ISCA1: variants seen among roughly 807,000 people sequenced by gnomAD.
ISCA1 encodes the protein iron-sulfur cluster assembly 1 homolog, mitochondrial.
In ISCA1, 9 loss-of-function variants were observed where a neutral mutation model predicts 14.7. The ratio of observed to expected loss-of-function variants is 0.61; its 90% CI spans 0.37 to 1.07. The LOEUF (loss-of-function observed/expected upper bound fraction) is 1.07, where lower values mean the gene tolerates loss of function less well. ISCA1 is among the 50% of genes least tolerant of loss of function. The pLI, the probability that ISCA1 is intolerant of heterozygous loss-of-function variation, is 0.01. For missense variants in ISCA1, 102 were observed against 150.1 expected (o/e 0.68, Z 1.67); for synonymous variants, 38 against 54.3 (o/e 0.70, Z 1.32).
chr9:86,267,397 T>C, intron 3 of ISCA1: 1 of 902,458 alleles, frequency 1.1e-6, no homozygotes, highest in Non-Finnish European at 1.3e-6. Flanking sequence ...AAGGTCTTTA[T>C]TGATAGTTAT....
At chr9:86,267,891 A>G (rs114094704) in intron 3 of ISCA1, 2,944 of 152,410 alleles carry the variant, frequency 0.019, 109 homozygotes, top group African/African-American at 0.067. Flanking sequence ...ATTGCCTAGC[A>G]ATGCTGTAGC....
intron 3 of ISCA1, chr9:86,267,598 TAATA>T (rs964408612): frequency 1.3e-5 from 11 of 865,336 alleles, no homozygotes; most frequent in South Asian, 5.3e-5. Flanking sequence ...AATTAAATTA[TAATA>T]AATAGCTTTG....
chr9:86,265,180 A>C lies in ISCA1; in HGVS notation c.*863T>G, dbSNP rs1218145353. The C allele has an allele frequency of 6.6e-6, 1 of 152,350 alleles. No homozygotes were observed. Among genetic ancestry groups the C allele is most frequent in the East Asian group, 1.9e-4 (1 of 5,188 alleles). The allele number at this position is 152,350 out of a possible 1,614,324, so 9.4% of individuals were successfully genotyped here. A position where few individuals can be genotyped will look rare whatever the true frequency, so the allele number is the denominator to read the frequency against. On this transcript the variant is annotated 3_prime_UTR_variant, in exon 4 of 4. Transcript: ENST00000375991. ...ATTCTATCAAAATGTTGACCACATAAAGAAGTCAGACCATTTGCCTTCGCT... is the reference window on the plus strand; with the variant it reads ...ATTCTATCAAAATGTTGACCACATACAGAAGTCAGACCATTTGCCTTCGCT...
chr9:86,272,021 T>A lies in ISCA1; in HGVS notation c.227A>T (p.Glu76Val), dbSNP rs767454483. Residue 76 changes from glutamate (E) to valine (V), a missense_variant, in exon 3 of 4, where the codon GAA (glutamate) becomes GTA (valine). By Grantham distance (121) the Glu-to-Val change is moderately radical (BLOSUM62 -2). Coordinates refer to ENST00000375991, the MANE Select transcript of ISCA1 (RefSeq NM_030940.4). ...YTKTKGDSDE[E>V]VIQDGVRVFI... ...TAAAAACTCACCATCTTGAATAACT[T>A]CTTCATCAGAATCTCCTTTTGTCTT... 3 of 1,591,352 alleles carry A rather than the reference T, an allele frequency of 1.9e-6. No individual in the cohort carries two copies. Among genetic ancestry groups the A allele is most frequent in the Non-Finnish European group, 1.7e-6 (2 of 1,161,564 alleles).
In ISCA1 at chr9:86,282,439, C is replaced by T. The variant is rs766827180; in HGVS notation, c.20G>A (p.Arg7Gln). 7 of 1,554,778 alleles carry T rather than the reference C, an allele frequency of 4.5e-6. No individual in the cohort carries two copies. Among genetic ancestry groups the T allele is most frequent in the African/African-American group, 1.4e-5 (1 of 73,464 alleles). MSASLV[R>Q]ATVRAVSKRK... ...CTTGCTCACAGCCCGGACAGTTGCC[C>T]GGACTAAGGAAGCCGACATCTTCGC... is the stretch of plus-strand genomic sequence containing the variant. Residue 7 changes from arginine (R) to glutamine (Q), a missense_variant, in exon 1 of 4, where the codon CGG becomes CAG. By Grantham distance (43) the Arg-to-Gln change is conservative (BLOSUM62 1). Coordinates refer to ENST00000375991, the MANE Select transcript of ISCA1 (RefSeq NM_030940.4).
In ISCA1 at chr9:86,265,805, C is replaced by G. The variant is rs1405840646; in HGVS notation, c.*238G>C. 1 of 635,412 alleles carries G rather than the reference C, an allele frequency of 1.6e-6. No individual in the cohort carries two copies. Among genetic ancestry groups the G allele is most frequent in the Non-Finnish European group, 2.7e-6 (1 of 364,020 alleles). The allele number at this position is 635,412 out of a possible 1,614,324, so 39.4% of individuals were successfully genotyped here. On this transcript the variant is annotated 3_prime_UTR_variant, in exon 4 of 4. Coordinates refer to ENST00000375991, the MANE Select transcript of ISCA1 (RefSeq NM_030940.4). ...GCCCAGGAAGGCAACTTTAATGAAA[C>G]TGGTTCTAAAACAAAGGATACAAGA...
intron 1 of ISCA1, 54 bp from the exon 2 acceptor site, chr9:86,274,296 T>C: frequency 8.6e-7 from 1 of 1,163,608 alleles, no homozygotes; most frequent in Non-Finnish European, 1.3e-6. Flanking sequence ...CAAAGCCTCA[T>C]ATTTATCAGT....
Position 86,282,375 on chromosome 9 carries a change from C to CACCAGGGTGAGGGCT in ISCA1, c.69_81+2dup, listed in dbSNP as rs1441117307. ...GGCCCCGCCGCGCGCCGCGAGCACTCACCAGGGTGAGGGCTGCCCGGGTGG... is the reference window on the plus strand; with the variant it reads ...GGCCCCGCCGCGCGCCGCGAGCACTCACCAGGGTGAGGGCTACCAGGGTGAGGGCTGCCCGGGTGG... On this transcript the variant is annotated splice_region_variant and intron_variant, in intron 1 of 3. Coordinates refer to ENST00000375991, the MANE Select transcript of ISCA1 (RefSeq NM_030940.4). 1.3e-6 allele frequency: 2 copies of CACCAGGGTGAGGGCT among 1,546,728 alleles called. No individual in the cohort carries two copies. Among genetic ancestry groups the CACCAGGGTGAGGGCT allele is most frequent in the Non-Finnish European group, 1.7e-6 (2 of 1,144,574 alleles).
At chr9:86,268,224 G>A (rs1373612160) in intron 3 of ISCA1, among the ~76,000 whole-genome samples, 3 of 151,956 alleles carry the variant, frequency 2.0e-5, no homozygotes, top group Non-Finnish European at 4.4e-5. Flanking sequence ...TGCCCCTGAC[G>A]GCCTTCCAAT....
rs554845656 is a variant in ISCA1, at chr9:86,268,960, A to AATTTTTTGTATTTTTAGT, written c.242-2787_242-2770dup. 2.7e-3 allele frequency among the ~76,000 whole-genome samples: 407 copies of AATTTTTTGTATTTTTAGT among 151,874 alleles called. 2 individuals carry two copies. The highest frequency in any genetic ancestry group is 9.3e-3 in the African/African-American group (383 of 41,400). On this transcript the variant is annotated intron_variant, in intron 3 of 3. Coordinates refer to ENST00000375991, the MANE Select transcript of ISCA1 (RefSeq NM_030940.4). ...CAGGCGTGTGCCACCACACCCAGTTAATTTTTTGTATTTTTAGTAGAGATG... is the reference window on the plus strand; with the variant it reads ...CAGGCGTGTGCCACCACACCCAGTTAATTTTTTGTATTTTTAGTATTTTTTGTATTTTTAGTAGAGATG...
rs929675473 is a variant in ISCA1, at chr9:86,265,981, C to A, written c.*62G>T. The A allele has an allele frequency of 3.7e-6, 6 of 1,606,188 alleles. No individual in the cohort carries two copies. In the African/African-American group the frequency reaches 8.0e-5, roughly 21 times the overall value. ...GCACGTGACAGTCACATGATTTCTG[C>A]AGTGAGCCCCAAAGCTTCCACGAGC... On this transcript the variant is annotated 3_prime_UTR_variant, in exon 4 of 4. Transcript: ENST00000375991.
chr9:86,281,150 GTTTAATTCTACA>G (rs1587822373), intron 1 of ISCA1, among the ~76,000 whole-genome samples: 1 of 152,082 alleles, frequency 6.6e-6, no homozygotes, highest in East Asian at 1.9e-4. Context: ...TTAAAACCTT[GTTTAATTCTACA>G]TCCCACGGTG....
intron 2 of ISCA1, 131 bp downstream of exon 2, chr9:86,274,058 T>A (rs1015528534): frequency 2.5e-5 from 15 of 588,258 alleles, no homozygotes; most frequent in East Asian, 5.8e-5. Flanking sequence ...TTGAATTTTT[T>A]AAAAATCCTG....
At chr9:86,278,336 G>GTA (rs1210797666) in intron 1 of ISCA1, among the ~76,000 whole-genome samples, 4 of 152,070 alleles carry the variant, frequency 2.6e-5, no homozygotes, top group Admixed American at 2.6e-4. Flanking sequence ...GTGTATATGT[G>GTA]TATATACACA....
chr9:86,267,580 T>C (rs1434884706), intron 3 of ISCA1: 63 of 876,368 alleles, frequency 7.2e-5, no homozygotes, highest in Non-Finnish European at 8.6e-5. Context: ...TAATTAATTT[T>C]AATTATAAAT....
At chr9:86,274,531 C>T (rs1472982944) in intron 1 of ISCA1, among the ~76,000 whole-genome samples, 5 of 152,172 alleles carry the variant, frequency 3.3e-5, no homozygotes, top group Non-Finnish European at 7.3e-5. Context: ...ATTACAAATG[C>T]TATTTTTCTG....
At position 86,282,490 on chromosome 9, in the gene ISCA1, C is replaced by G. The variant is rs1271493882; in HGVS notation, c.-32G>C. 6.5e-7 allele frequency: 1 copy of G among 1,550,152 alleles called. No homozygotes were observed. The highest frequency in any genetic ancestry group is 8.7e-7 in the Non-Finnish European group (1 of 1,146,820). On this transcript the variant is annotated 5_prime_UTR_variant, in exon 1 of 4. Coordinates refer to ENST00000375991, the MANE Select transcript of ISCA1 (RefSeq NM_030940.4). ...CGTCCCGGCGCCCCGGTGCCTCGGG[C>G]CGAAGGTCGGCCGCCTCAGCTTCTC...
chr9:86,266,342 A>G, intron 3 of ISCA1, 151 bp from the exon 4 acceptor site: 1 of 1,259,508 alleles, frequency 7.9e-7, no homozygotes, highest in East Asian at 2.6e-5. Flanking sequence ...GGAATTAAGC[A>G]TTCAGTTTCC....
At chr9:86,267,041 A>C (rs1320348972) in intron 3 of ISCA1, 1 of 152,242 alleles carries the variant, frequency 6.6e-6, no homozygotes, top group Non-Finnish European at 1.5e-5. Flanking sequence ...TCTGGGAAAC[A>C]GGGCAAAACC....
Sources: allele counts gnomAD v4.1 joint callset (sites outside exome capture counted in the v4.1 genomes callset), GRCh38; gene constraint gnomAD v4.1.1; transcripts MANE v1.5; gene names NCBI Gene and HGNC (gene_info 2026-07-23, HGNC 2026-07-21).